Variants in FYTTD1 observed in about 807,000 individuals in gnomAD.
FYTTD1 encodes the protein UAP56-interacting factor.
Under a neutral mutation model 40.9 loss-of-function variants are expected in FYTTD1, and 22 were observed. The ratio of observed to expected loss-of-function variants is 0.54; its 90% CI spans 0.38 to 0.77. The LOEUF (loss-of-function observed/expected upper bound fraction) is 0.77, where lower values mean the gene tolerates loss of function less well. FYTTD1 is among the 30% of genes least tolerant of loss of function. The pLI is 0.00. For missense variants in FYTTD1, 351 were observed against 392.2 expected (o/e 0.90, Z 0.89); for synonymous variants, 140 against 137.9 (o/e 1.01, Z -0.10).
intron 2 of FYTTD1, among the ~76,000 whole-genome samples, chr3:197,760,305 TGG>T (rs1729341891): frequency 2.0e-5 from 3 of 152,066 alleles, no homozygotes; most frequent in African/African-American, 7.2e-5. Flanking sequence ...GTAGAATGTA[TGG>T]AGTGTTCTTC....
In FYTTD1 at chr3:197,785,958, T is replaced by TA. The variant is rs1730143807; in HGVS notation, c.*4050dup. 6.6e-6 allele frequency: 1 copy of TA among 151,622 alleles called. No individual in the cohort carries two copies. The highest frequency in any genetic ancestry group is 1.5e-5 in the Non-Finnish European group (1 of 67,948). The allele number at this position is 151,622 out of a possible 1,614,324, so 9.4% of individuals were successfully genotyped here. A position where few individuals can be genotyped will look rare whatever the true frequency, so the allele number is the denominator to read the frequency against. Reference sequence around the variant, plus strand: ...GCTTCTTTTTTTTTTTTTTAAATGATACTTCAGTAAACACAGCATTTACAA... The same window carrying TA: ...GCTTCTTTTTTTTTTTTTTAAATGATAACTTCAGTAAACACAGCATTTACAA... On this transcript the variant is annotated 3_prime_UTR_variant, in exon 9 of 9. Transcript: ENST00000241502.
chr3:197,754,958 G>A, intron 1 of FYTTD1, among the ~76,000 whole-genome samples: 1 of 152,142 alleles, frequency 6.6e-6, no homozygotes, highest in East Asian at 1.9e-4. Context: ...TGCCCAGCTG[G>A]ATATTTCTTA....
chr3:197,772,298 G>A (rs989183179), intron 4 of FYTTD1, among the ~76,000 whole-genome samples: 3 of 152,112 alleles, frequency 2.0e-5, no homozygotes, highest in Non-Finnish European at 4.4e-5. Flanking sequence ...TAAGACTAGG[G>A]AATCTGTTAA....
At chr3:197,757,217 C>T (rs1729238281) in intron 2 of FYTTD1, among the ~76,000 whole-genome samples, 3 of 152,296 alleles carry the variant, frequency 2.0e-5, no homozygotes, top group Admixed American at 2.0e-4. Flanking sequence ...TTTTGATAAT[C>T]TGGAAGCTTA....
In FYTTD1 at chr3:197,755,825, AT is replaced by A. The variant is rs546266510; in HGVS notation, c.104-599del. 3.0e-5 allele frequency: 47 copies of A among 1,551,064 alleles called. 1 individual carries two copies. In the East Asian group the frequency reaches 1.1e-3, roughly 35 times the overall value. On this transcript the variant is annotated intron_variant, in intron 1 of 8. Transcript: ENST00000241502. ...TCTTTAAAAAATGGAGCCTTCTGTG[AT>A]TATGGGAAGTAAGTAGGAAAATGGA... is the stretch of plus-strand genomic sequence containing the variant.
chr3:197,755,916 G>A (rs1729201112), intron 1 of FYTTD1: 1 of 845,120 alleles, frequency 1.2e-6, no homozygotes, highest in Non-Finnish European at 1.9e-6. Flanking sequence ...GAAGTAGGTA[G>A]GAAAATGGAG....
chr3:197,749,839 G>A (rs1486719154), upstream of FYTTD1: 1 of 529,086 alleles, frequency 1.9e-6, no homozygotes, highest in Non-Finnish European at 3.1e-6. Flanking sequence ...GCCCGCAGCC[G>A]CGGGTGGAGA....
upstream of FYTTD1, chr3:197,749,583 A>G: frequency 7.9e-7 from 1 of 1,271,478 alleles, no homozygotes; most frequent in Non-Finnish European, 1.0e-6. Flanking sequence ...AGTATAGGGG[A>G]CCTGTCTGCA....
chr3:197,784,145 A>T lies in FYTTD1; in HGVS notation c.*2236A>T, dbSNP rs537890403. 1 of 152,752 alleles carries T rather than the reference A, an allele frequency of 6.5e-6. No homozygotes were observed. Among genetic ancestry groups the T allele is most frequent in the Admixed American group, 6.5e-5 (1 of 15,296 alleles). 9.5% of individuals were successfully genotyped at this position (152,752 alleles called of 1,614,324 possible). A position where few individuals can be genotyped will look rare whatever the true frequency, so the allele number is the denominator to read the frequency against. On this transcript the variant is annotated 3_prime_UTR_variant, in exon 9 of 9. Transcript: ENST00000241502. ...CTTTTCTTTGCATCAAGGTATATGC[A>T]AAACATTGGTGCCGTGCATCACCAA...
chr3:197,774,188 G>C lies in FYTTD1; in HGVS notation c.634G>C (p.Val212Leu), dbSNP rs1729804501. 6.2e-7 allele frequency: 1 copy of C among 1,613,896 alleles called. No individual in the cohort carries two copies. Among genetic ancestry groups the C allele is most frequent in the African/African-American group, 1.3e-5 (1 of 74,928 alleles). Reference sequence around the variant, plus strand: ...GAATACAGAACAACTGCTAGACGATGTAGTAGCAAAGAGAACTCGTCAGTA... The same window carrying C: ...GAATACAGAACAACTGCTAGACGATCTAGTAGCAAAGAGAACTCGTCAGTA... Reference protein sequence around the residue: ...QLNTEQLLDDVVAKRTRQWRT... With the variant: ...QLNTEQLLDDLVAKRTRQWRT... Residue 212 changes from valine to leucine, a missense_variant, in exon 6 of 9, where the codon GTA (valine) becomes CTA (leucine). Val to Leu is a conservative substitution (Grantham distance 32, BLOSUM62 1). Coordinates refer to ENST00000241502, the MANE Select transcript of FYTTD1 (RefSeq NM_032288.7).
At chr3:197,772,266 T>C (rs749602877) in intron 4 of FYTTD1, among the ~76,000 whole-genome samples, 12 of 152,208 alleles carry the variant, frequency 7.9e-5, no homozygotes, top group Non-Finnish European at 1.2e-4. Context: ...GTTTTGAACT[T>C]GAATCTCTGA....
intron 4 of FYTTD1, among the ~76,000 whole-genome samples, chr3:197,770,499 T>C (rs961546465): frequency 9.9e-5 from 15 of 152,216 alleles, no homozygotes; most frequent in Non-Finnish European, 5.9e-5. Context: ...CTTTGACATA[T>C]GGAATAAAAT....
chr3:197,756,708 C>A, intron 2 of FYTTD1, 151 bp downstream of exon 2: 1 of 723,104 alleles, frequency 1.4e-6, no homozygotes, highest in Non-Finnish European at 2.3e-6. Flanking sequence ...GATCTAAAAC[C>A]TGGTAAAAAT....
chr3:197,751,679 A>G (rs1729060112), intron 1 of FYTTD1, among the ~76,000 whole-genome samples: 1 of 143,080 alleles, frequency 7.0e-6, no homozygotes, highest in Non-Finnish European at 1.5e-5. Flanking sequence ...CTTTTGAGGT[A>G]AGGCCAACAA....
At chr3:197,774,482 C>T (rs1453698527) in intron 6 of FYTTD1, among the ~76,000 whole-genome samples, 1 of 151,946 alleles carries the variant, frequency 6.6e-6, no homozygotes, top group African/African-American at 2.4e-5. Flanking sequence ...CAGCATAGCT[C>T]GATGCCACTG....
At chr3:197,771,837 C>T (rs554521070) in intron 4 of FYTTD1, among the ~76,000 whole-genome samples, 2 of 141,224 alleles carry the variant, frequency 1.4e-5, no homozygotes, top group Non-Finnish European at 3.1e-5. Context: ...TGCATGCCAG[C>T]AATCCCAGCA....
chr3:197,762,830 C>T (rs1478728956), intron 2 of FYTTD1, among the ~76,000 whole-genome samples: 3 of 151,996 alleles, frequency 2.0e-5, no homozygotes, highest in Non-Finnish European at 4.4e-5. Context: ...TGCAGTGAGC[C>T]GAGATCGCGG....
chr3:197,754,994 C>T (rs150331887), intron 1 of FYTTD1, among the ~76,000 whole-genome samples: 3 of 152,194 alleles, frequency 2.0e-5, no homozygotes, highest in Non-Finnish European at 4.4e-5. Flanking sequence ...CTTCTAGTAA[C>T]CTCTTTTAAC....
chr3:197,764,017 C>T (rs954751943), intron 2 of FYTTD1, among the ~76,000 whole-genome samples: 7 of 152,154 alleles, frequency 4.6e-5, no homozygotes, highest in African/African-American at 1.7e-4. Flanking sequence ...TTTTTTTAAG[C>T]TCCATGGATG....
Sources: gnomAD v4.1 joint callset for allele counts (sites outside exome capture counted in the v4.1 genomes callset) on GRCh38, gnomAD v4.1.1 for gene constraint, MANE v1.5 for transcripts, NCBI Gene and HGNC (gene_info 2026-07-23, HGNC 2026-07-21) for gene names.